FBXL13: variants seen among roughly 807,000 people sequenced by gnomAD.
FBXL13 encodes F-box and leucine-rich repeat protein 13.
FBXL13 carries 67 observed loss-of-function variants against 83.6 expected under a neutral mutation model. The ratio of observed to expected loss-of-function variants is 0.80; its 90% CI spans 0.66 to 0.98. FBXL13 has a LOEUF of 0.98. Among genes scored for constraint, FBXL13 ranks in the 50% least tolerant of loss-of-function variants. The pLI is 0.00. For synonymous variants in FBXL13, 272 were observed against 299.5 expected, an observed-to-expected ratio of 0.91 and a Z score of 0.95; for missense variants, 822 against 866.5, an observed-to-expected ratio of 0.95 and a Z score of 0.64.
chr7:102,834,906 G>A (rs939080963), intron 17 of FBXL13, among the ~76,000 whole-genome samples: 7 of 150,764 alleles, frequency 4.6e-5, no homozygotes, highest in Non-Finnish European at 8.8e-5. Context: ...GTGTGTGTGT[G>A]TGTGTGTGTG....
At chr7:102,876,048 G>A (rs545637280) in intron 16 of FBXL13, among the ~76,000 whole-genome samples, 1 of 152,192 alleles carries the variant, frequency 6.6e-6, no homozygotes, top group African/African-American at 2.4e-5. Flanking sequence ...AGCAAGGGGA[G>A]GGTGAGTCAT....
intron 17 of FBXL13, among the ~76,000 whole-genome samples, chr7:102,851,534 C>T (rs1463921288): frequency 1.5e-5 from 2 of 137,186 alleles, no homozygotes; most frequent in Non-Finnish European, 3.1e-5. Flanking sequence ...TCCTCTCCTC[C>T]TCTTCCTTTT....
At chr7:103,036,802 G>A (rs571799754) in intron 2 of FBXL13, among the ~76,000 whole-genome samples, 2 of 152,348 alleles carry the variant, frequency 1.3e-5, no homozygotes, top group African/African-American at 2.4e-5. Flanking sequence ...ACAAGCCACA[G>A]TGCCTGGCCC....
At chr7:102,882,803 A>C (rs1406728249) in intron 14 of FBXL13, among the ~76,000 whole-genome samples, 1 of 151,802 alleles carries the variant, frequency 6.6e-6, no homozygotes, top group Non-Finnish European at 1.5e-5. Context: ...AAAAAAACAG[A>C]ATTTGCTCCT....
intron 8 of FBXL13, chr7:102,933,822 A>G: frequency 2.2e-6 from 3 of 1,342,090 alleles, no homozygotes; most frequent in African/African-American, 1.5e-5. Context: ...CCAGAACTGC[A>G]TTAGTTAAGA....
intron 2 of FBXL13, 32 bp from the exon 3 acceptor site, chr7:103,055,210 T>A: frequency 9.0e-7 from 1 of 1,105,802 alleles, no homozygotes; most frequent in African/African-American, 1.6e-5. Context: ...CAGTCAAAAT[T>A]AATTTCATTA....
intron 17 of FBXL13, among the ~76,000 whole-genome samples, chr7:102,836,478 T>C (rs746360240): frequency 1.3e-5 from 2 of 152,230 alleles, no homozygotes; most frequent in Non-Finnish European, 2.9e-5. Context: ...CTGGCTCCAA[T>C]GCTGCAGAAT....
At chr7:102,961,357 C>T (rs1366598988) in intron 8 of FBXL13, among the ~76,000 whole-genome samples, 82 of 140,800 alleles carry the variant, frequency 5.8e-4, no homozygotes, top group East Asian at 8.3e-4. Flanking sequence ...AATGGAAGAA[C>T]ATTCCATGCT....
chr7:102,960,110 A>T (rs1205137843), intron 8 of FBXL13, among the ~76,000 whole-genome samples: 1 of 152,136 alleles, frequency 6.6e-6, no homozygotes, highest in African/African-American at 2.4e-5. Flanking sequence ...TTTTAAAAAT[A>T]AGAATATGTT....
intron 19 of FBXL13, among the ~76,000 whole-genome samples, chr7:102,818,283 C>T (rs536480655): frequency 4.6e-4 from 70 of 152,244 alleles, no homozygotes; most frequent in African/African-American, 1.6e-3. Context: ...AATATAAAGG[C>T]GAAGAGCAGC....
intron 6 of FBXL13, among the ~76,000 whole-genome samples, chr7:102,992,367 A>T (rs1166452446): frequency 6.6e-6 from 1 of 152,198 alleles, no homozygotes; most frequent in East Asian, 1.9e-4. Context: ...GACAATTTAG[A>T]AACAGAAACA....
intron 8 of FBXL13, among the ~76,000 whole-genome samples, chr7:102,956,029 T>A (rs1824213000): frequency 6.6e-6 from 1 of 152,100 alleles, no homozygotes; most frequent in Non-Finnish European, 1.5e-5. Flanking sequence ...CCTAACTCAT[T>A]TTATGAGGCC....
chr7:102,823,417 G>C (rs145253571), intron 18 of FBXL13, among the ~76,000 whole-genome samples: 65 of 152,284 alleles, frequency 4.3e-4, no homozygotes, highest in African/African-American at 1.5e-3. Context: ...TCTGGAAAGG[G>C]ACAAGTAGGT....
intron 6 of FBXL13, among the ~76,000 whole-genome samples, chr7:102,991,458 C>A (rs1048950421): frequency 6.6e-6 from 1 of 152,000 alleles, no homozygotes; most frequent in Non-Finnish European, 1.5e-5. Flanking sequence ...TCTGCCAACA[C>A]ATAACAGGAG....
intron 17 of FBXL13, among the ~76,000 whole-genome samples, chr7:102,851,002 C>T (rs1008316120): frequency 1.3e-5 from 2 of 152,164 alleles, no homozygotes; most frequent in African/African-American, 2.4e-5. Flanking sequence ...TGTCAAACAA[C>T]CATTCAGAAC....
chr7:102,923,890 A>T (rs1817564839), intron 10 of FBXL13, among the ~76,000 whole-genome samples: 1 of 152,000 alleles, frequency 6.6e-6, no homozygotes, highest in Non-Finnish European at 1.5e-5. Context: ...ATTTGATAAA[A>T]ATTTTATTCA....
intron 16 of FBXL13, among the ~76,000 whole-genome samples, chr7:102,865,688 C>T (rs186921063): frequency 1.2e-4 from 19 of 152,066 alleles, no homozygotes; most frequent in Middle Eastern, 3.4e-3. Flanking sequence ...ACTACAGGCA[C>T]GCGCCACCAT....
intron 16 of FBXL13, among the ~76,000 whole-genome samples, chr7:102,859,352 A>G (rs1160525723): frequency 2.0e-5 from 3 of 152,198 alleles, no homozygotes; most frequent in Non-Finnish European, 4.4e-5. Flanking sequence ...TCACTGCCTA[A>G]TAAGTGAAAC....
intron 2 of FBXL13, among the ~76,000 whole-genome samples, chr7:103,043,818 T>A (rs777488835): frequency 1.3e-5 from 2 of 152,234 alleles, no homozygotes; most frequent in Non-Finnish European, 2.9e-5. Flanking sequence ...CCAACCTGAA[T>A]ATACACATCT....
Sources: allele counts gnomAD v4.1 joint callset (sites outside exome capture counted in the v4.1 genomes callset), GRCh38; gene constraint gnomAD v4.1.1; transcripts MANE v1.5; gene names NCBI Gene and HGNC (gene_info 2026-07-23, HGNC 2026-07-21).